XIRP2: variants seen among roughly 807,000 people sequenced by gnomAD.
XIRP2 encodes the protein xin actin-binding repeat-containing protein 2.
In XIRP2, 236 loss-of-function variants were observed where a neutral mutation model predicts 277.0. That is an observed-to-expected ratio of 0.85 (90% CI 0.77 to 0.95). The LOEUF (loss-of-function observed/expected upper bound fraction) is 0.95, where lower values mean the gene tolerates loss of function less well. Among genes scored for constraint, XIRP2 ranks in the 40% least tolerant of loss-of-function variants. The pLI is 0.00. For missense variants in XIRP2, 4,640 were observed against 4,157.5 expected, an observed-to-expected ratio of 1.12 and a Z score of -3.19; for synonymous variants, 1,490 against 1,416.5, an observed-to-expected ratio of 1.05 and a Z score of -1.17.
In XIRP2 at chr2:167,250,180, G is replaced by A. The variant is rs573721680; in HGVS notation, c.8788G>A (p.Val2930Met). The stretch of plus-strand genomic sequence containing the variant: ...ACAGAACAAATCTTTCTTTTCCTCT[G>A]TGAAAGAATCCCAGCGGGATGATGG... ...ITQNKSFFSS[V>M]KESQRDDGKG... Residue 2930 changes from valine to methionine, a missense_variant, in exon 9 of 11, where the codon GTG (valine) becomes ATG (methionine). Coordinates refer to ENST00000409195, the MANE Select transcript of XIRP2 (RefSeq NM_152381.6). The A allele has an allele frequency of 4.3e-6, 7 of 1,613,378 alleles. No individual in the cohort carries two copies. The highest frequency in any genetic ancestry group is 4.5e-5 in the East Asian group (2 of 44,832).
chr2:167,203,771 A>G (rs1365821129), intron 3 of XIRP2, among the ~76,000 whole-genome samples: 1 of 152,208 alleles, frequency 6.6e-6, no homozygotes, highest in Non-Finnish European at 1.5e-5. Context: ...AAAGAGATGA[A>G]TTTTATTATT....
rs1412880770 is a variant in XIRP2 at position 166,987,937 on chromosome 2, T to A, written c.408+84047T>A. 2.0e-5 allele frequency among the ~76,000 whole-genome samples: 3 copies of A among 152,162 alleles called. No individual in the cohort carries two copies. The East Asian group carries it at 5.8e-4, about 29-fold the overall frequency. ...AAATAGGAAGGCATGCATTCTTCCA[T>A]AAAGTACAATTCCAAGTAATTTCTA... On this transcript the variant is annotated intron_variant, in intron 2 of 10. Coordinates refer to ENST00000409195, the MANE Select transcript of XIRP2 (RefSeq NM_152381.6).
intron 2 of XIRP2, among the ~76,000 whole-genome samples, chr2:167,038,408 C>T (rs1688573416): frequency 1.3e-5 from 2 of 151,274 alleles, no homozygotes; most frequent in Admixed American, 6.6e-5. Context: ...GTATTTCATC[C>T]TCTTTAATAT....
intron 5 of XIRP2, among the ~76,000 whole-genome samples, chr2:167,226,942 G>A (rs1020234806): frequency 5.3e-5 from 8 of 152,104 alleles, no homozygotes; most frequent in African/African-American, 7.2e-5. Flanking sequence ...TCTTTATGCC[G>A]GGTTGTACAC....
chr2:167,205,439 G>A (rs1368833228), intron 3 of XIRP2, among the ~76,000 whole-genome samples: 2 of 151,938 alleles, frequency 1.3e-5, no homozygotes, highest in Admixed American at 1.3e-4. Flanking sequence ...ATATGTTAAA[G>A]TCACCCGCAG....
chr2:167,116,640 A>G (rs1361676316), intron 2 of XIRP2, among the ~76,000 whole-genome samples: 2 of 151,950 alleles, frequency 1.3e-5, no homozygotes, highest in Non-Finnish European at 2.9e-5. Context: ...GTGATTATTG[A>G]TATGTTAGAC....
intron 2 of XIRP2, among the ~76,000 whole-genome samples, chr2:167,057,551 A>G (rs1689067526): frequency 6.6e-6 from 1 of 152,216 alleles, no homozygotes; most frequent in Non-Finnish European, 1.5e-5. Context: ...AATTATTATC[A>G]CTGGGTCCAT....
At chr2:167,126,942 C>A (rs1285488947) in intron 2 of XIRP2, among the ~76,000 whole-genome samples, 1 of 152,114 alleles carries the variant, frequency 6.6e-6, no homozygotes, top group Non-Finnish European at 1.5e-5. Context: ...GCGTTCAATA[C>A]CTCCTACCTA....
intron 2 of XIRP2, among the ~76,000 whole-genome samples, chr2:167,120,632 C>T (rs1691030332): frequency 6.6e-6 from 1 of 152,078 alleles, no homozygotes; most frequent in South Asian, 2.1e-4. Flanking sequence ...AAGATAAAGA[C>T]TCATCTTTTT....
intron 2 of XIRP2, among the ~76,000 whole-genome samples, chr2:166,974,030 A>C (rs1264954398): frequency 6.6e-6 from 1 of 152,234 alleles, no homozygotes; most frequent in Non-Finnish European, 1.5e-5. Context: ...ACTTGGGATA[A>C]GTTACAAAAG....
intron 6 of XIRP2, 125 bp downstream of exon 6, chr2:167,240,090 T>C (rs1573986549): frequency 1.2e-6 from 1 of 839,540 alleles, no homozygotes; most frequent in African/African-American, 1.8e-5. Flanking sequence ...TCAGTGTTTC[T>C]TTCTCCACTT....
intron 3 of XIRP2, among the ~76,000 whole-genome samples, chr2:167,195,634 T>C (rs1291318697): frequency 6.6e-6 from 1 of 152,020 alleles, no homozygotes; most frequent in South Asian, 2.1e-4. Context: ...CCGTTTATCA[T>C]GGGAATCTAA....
Position 167,243,564 on chromosome 2 carries a change from A to T in XIRP2, c.2172A>T (p.Glu724Asp), listed in dbSNP as rs1695146366. 1 of 1,614,036 alleles carries T rather than the reference A, an allele frequency of 6.2e-7. No homozygotes were observed. The highest frequency in any genetic ancestry group is 8.5e-7 in the Non-Finnish European group (1 of 1,180,002). ...TGCAGCTTAGGTCTGAGCTCAAAGA[A>T]ATTAAGGGAAATGTTAAAAGAAGTA... ...HLLQLRSELKEIKGNVKRSIK... is the reference protein window; with the variant it reads ...HLLQLRSELKDIKGNVKRSIK... Residue 724 changes from glutamate (E) to aspartate (D), a missense_variant, in exon 9 of 11, where the codon GAA (glutamate) becomes GAT (aspartate). By Grantham distance (45) the Glu-to-Asp change is conservative. Coordinates refer to ENST00000409195, the MANE Select transcript of XIRP2 (RefSeq NM_152381.6).
At chr2:166,965,647 A>C (rs1341887639) in intron 2 of XIRP2, among the ~76,000 whole-genome samples, 1 of 151,900 alleles carries the variant, frequency 6.6e-6, no homozygotes, top group African/African-American at 2.4e-5. Context: ...GCAATGGCTT[A>C]ATCATGGCTC....
At chr2:167,009,295 T>G (rs554563625) in intron 2 of XIRP2, among the ~76,000 whole-genome samples, 1 of 146,170 alleles carries the variant, frequency 6.8e-6, no homozygotes, top group Admixed American at 7.1e-5. Flanking sequence ...TTCCCACCTA[T>G]GAGTGAGAAT....
chr2:167,191,169 G>C (rs1248726394), intron 3 of XIRP2, among the ~76,000 whole-genome samples: 2 of 140,700 alleles, frequency 1.4e-5, no homozygotes, highest in Non-Finnish European at 3.0e-5. Context: ...CCGGGTGACA[G>C]AGTGAGACCC....
rs771632938 is a variant in XIRP2, at chr2:167,248,223, C to A, written c.6831C>A (p.Asn2277Lys). ...GGTCCTTGAATCCAATCAACTTTAA[C>A]CCTGAGAATAATGTAAAAGAAAGTG... ...MERSLNPINF[N>K]PENNVKESEC... Residue 2277 changes from asparagine to lysine, a missense_variant, in exon 9 of 11, where the codon AAC becomes AAA. Coordinates refer to ENST00000409195, the MANE Select transcript of XIRP2 (RefSeq NM_152381.6). The A allele has an allele frequency of 6.2e-7, 1 of 1,613,684 alleles. No homozygotes were observed. Among genetic ancestry groups the A allele is most frequent in the Non-Finnish European group, 8.5e-7 (1 of 1,179,758 alleles).
intron 1 of XIRP2, among the ~76,000 whole-genome samples, chr2:166,900,141 C>T (rs1684344183): frequency 6.6e-6 from 1 of 151,674 alleles, no homozygotes; most frequent in Non-Finnish European, 1.5e-5. Context: ...TTTTATAGTC[C>T]AACTTGTCTC....
intron 2 of XIRP2, among the ~76,000 whole-genome samples, chr2:167,002,560 C>G (rs1687400988): frequency 6.6e-6 from 1 of 151,914 alleles, no homozygotes; most frequent in African/African-American, 2.4e-5. Context: ...TCTTAAGGTA[C>G]AACTCAAGTT....
Sources: gnomAD v4.1 joint callset for allele counts (sites outside exome capture counted in the v4.1 genomes callset) on GRCh38, gnomAD v4.1.1 for gene constraint, MANE v1.5 for transcripts, NCBI Gene and HGNC (gene_info 2026-07-23, HGNC 2026-07-21) for gene names.